Variants in SP100 observed in about 807,000 individuals in gnomAD.
SP100 encodes the protein nuclear autoantigen Sp-100.
SP100 carries 84 observed loss-of-function variants against 130.0 expected under a neutral mutation model. The observed-to-expected ratio is 0.65, with a 90% confidence interval of 0.54 to 0.77. The LOEUF (loss-of-function observed/expected upper bound fraction) is 0.77, where lower values mean the gene tolerates loss of function less well. SP100 is among the 30% of genes least tolerant of loss of function. The probability of loss-of-function intolerance (pLI) is 0.00; values close to 1 mark genes in which losing one functional copy is unlikely to be tolerated. For missense variants in SP100, 978 were observed against 1,052.2 expected, an observed-to-expected ratio of 0.93 and a Z score of 0.97; for synonymous variants, 331 against 351.7, an observed-to-expected ratio of 0.94 and a Z score of 0.66.
intron 24 of SP100, among the ~76,000 whole-genome samples, chr2:230,530,199 C>A (rs1033066763): frequency 3.3e-5 from 5 of 152,104 alleles, no homozygotes; most frequent in Non-Finnish European, 7.4e-5. Flanking sequence ...ACTACAGTAA[C>A]CAAAACAGCA....
chr2:230,478,787 A>T (rs931400440), intron 17 of SP100, among the ~76,000 whole-genome samples: 1 of 152,122 alleles, frequency 6.6e-6, no homozygotes, highest in Admixed American at 6.6e-5. Context: ...CCTGAAATGA[A>T]TTTCACCTAA....
intron 19 of SP100, among the ~76,000 whole-genome samples, chr2:230,501,757 T>G (rs1385230021): frequency 1.3e-5 from 2 of 152,184 alleles, no homozygotes; most frequent in African/African-American, 4.8e-5. Context: ...GAGCATCCAC[T>G]TTGTGTCCCT....
Position 230,545,107 on chromosome 2 carries a change from A to G in SP100, c.*2161A>G, listed in dbSNP as rs1256819948. Among the ~76,000 whole-genome samples the G allele has an allele frequency of 3.3e-5, 5 of 152,254 alleles. No homozygotes were observed. Among genetic ancestry groups the G allele is most frequent in the Non-Finnish European group, 7.3e-5 (5 of 68,048 alleles). ...GTACATACCCAGAGGAATATAAATC[A>G]TTCTACCATAAAGACACATGCATGC... On this transcript the variant is annotated 3_prime_UTR_variant, in exon 29 of 29. Transcript: ENST00000340126.
chr2:230,450,182 A>ACAAATTGCTGTC lies in SP100; in HGVS notation c.751_762dup (p.Ile251_Gln254dup), dbSNP rs1255485309. The ACAAATTGCTGTC allele has an allele frequency of 3.7e-6, 6 of 1,613,600 alleles. No individual in the cohort carries two copies. Among genetic ancestry groups the ACAAATTGCTGTC allele is most frequent in the Non-Finnish European group, 5.1e-6 (6 of 1,179,522 alleles). On this transcript the variant is annotated inframe_insertion, in exon 8 of 29. Coordinates refer to ENST00000340126, the MANE Select transcript of SP100 (RefSeq NM_001080391.2). ...CTCGTTTATCTCCAGAGTCCTGCGAACAAATTGCTGTCCAAGTGAATAATG... is the reference window on the plus strand; with the variant it reads ...CTCGTTTATCTCCAGAGTCCTGCGAACAAATTGCTGTCCAAATTGCTGTCCAAGTGAATAATG...
chr2:230,521,415 G>C (rs1320529421), intron 24 of SP100, among the ~76,000 whole-genome samples: 1 of 152,100 alleles, frequency 6.6e-6, no homozygotes, highest in Non-Finnish European at 1.5e-5. Context: ...CTGACCCCCG[G>C]TGCCTGCCTA....
chr2:230,502,781 CTA>C (rs1274225735), intron 19 of SP100, among the ~76,000 whole-genome samples: 1 of 152,204 alleles, frequency 6.6e-6, no homozygotes, highest in Non-Finnish European at 1.5e-5. Context: ...CAGGGCAAAT[CTA>C]TCCTGCTGAC....
intron 2 of SP100, among the ~76,000 whole-genome samples, chr2:230,428,733 C>T (rs904202126): frequency 4.6e-5 from 7 of 151,846 alleles, no homozygotes; most frequent in East Asian, 1.9e-4. Flanking sequence ...TGAGCCACCA[C>T]GCCTGGCCGA....
intron 10 of SP100, 105 bp downstream of exon 10, chr2:230,462,623 G>C (rs779878738): frequency 1.6e-4 from 130 of 831,432 alleles, no homozygotes; most frequent in Non-Finnish European, 2.4e-4. Context: ...AATGGATCCA[G>C]TTTATCCTGG....
Position 230,498,522 on chromosome 2 carries a change from A to G in SP100, c.1707A>G (p.Arg569=). ...TGAATAACAAAGTCCAAAAGAAAAG[A>G]TGGCAACAAAGAGGTAAAAAAAAAA... ...LTLNNKVQKK[R]WQQRGRKANT... The change falls in exon 19 of 29, where the codon AGA becomes AGG. Residue 569 remains arginine, a synonymous_variant. Transcript: ENST00000340126. 1 of 1,487,230 alleles carries G rather than the reference A, an allele frequency of 6.7e-7. No homozygotes were observed. Among genetic ancestry groups the G allele is most frequent in the Non-Finnish European group, 8.9e-7 (1 of 1,123,230 alleles). 92.1% of individuals were successfully genotyped at this position (1,487,230 alleles called of 1,614,324 possible).
At chr2:230,495,027 T>C (rs993665641) in intron 18 of SP100, among the ~76,000 whole-genome samples, 2 of 152,242 alleles carry the variant, frequency 1.3e-5, no homozygotes, top group African/African-American at 4.8e-5. Context: ...CCCTTAAATG[T>C]GGAGGAAAAC....
At chr2:230,485,725 T>C (rs2066049113) in intron 17 of SP100, among the ~76,000 whole-genome samples, 1 of 152,220 alleles carries the variant, frequency 6.6e-6, no homozygotes, top group Non-Finnish European at 1.5e-5. Context: ...CTTGTATACA[T>C]GATAAAATGT....
chr2:230,461,464 A>T (rs1285179400), intron 9 of SP100, 50 bp downstream of exon 9: 1 of 1,596,702 alleles, frequency 6.3e-7, no homozygotes, highest in Admixed American at 1.7e-5. Context: ...GTTACCAGGT[A>T]AGGGGCTCAG....
chr2:230,493,145 T>C (rs985724692), intron 17 of SP100, among the ~76,000 whole-genome samples: 3 of 152,236 alleles, frequency 2.0e-5, no homozygotes, highest in Non-Finnish European at 4.4e-5. Context: ...AAGTATTTAT[T>C]CTATTATTTT....
At chr2:230,489,281 TC>T (rs1332395858) in intron 17 of SP100, among the ~76,000 whole-genome samples, 2 of 152,242 alleles carry the variant, frequency 1.3e-5, no homozygotes, top group Admixed American at 6.5e-5. Flanking sequence ...TTTATCCATT[TC>T]TTCTAGATTT....
chr2:230,492,556 T>C (rs1053851098), intron 17 of SP100, among the ~76,000 whole-genome samples: 1 of 152,228 alleles, frequency 6.6e-6, no homozygotes, highest in African/African-American at 2.4e-5. Context: ...TCTTTCCACC[T>C]ATGCTTCCCA....
intron 18 of SP100, among the ~76,000 whole-genome samples, chr2:230,496,670 A>G (rs2066683121): frequency 6.6e-6 from 1 of 152,192 alleles, no homozygotes; most frequent in Non-Finnish European, 1.5e-5. Flanking sequence ...AGTTCTTCAG[A>G]GACACTCAAC....
intron 17 of SP100, among the ~76,000 whole-genome samples, chr2:230,489,687 G>A (rs1197559024): frequency 6.6e-6 from 1 of 152,126 alleles, no homozygotes; most frequent in Non-Finnish European, 1.5e-5. Context: ...TGCTTTAGCT[G>A]TGTCCCAGAG....
chr2:230,476,029 T>C lies in SP100; in HGVS notation c.1600+1582T>C, dbSNP rs770657378. ...TGCTTTGGCTATTCAGGCTCTTTTA[T>C]GGTTCCAACTGAGTTTTAGAATAGA... On this transcript the variant is annotated intron_variant, in intron 17 of 28. Coordinates refer to ENST00000340126, the MANE Select transcript of SP100 (RefSeq NM_001080391.2). Among the ~76,000 whole-genome samples, 4 of 152,360 alleles carry C rather than the reference T, an allele frequency of 2.6e-5. No homozygotes were observed. In the South Asian group the frequency reaches 8.3e-4, roughly 32 times the overall value.
intron 5 of SP100, 84 bp downstream of exon 5, chr2:230,446,986 A>G (rs2063738356): frequency 8.9e-6 from 7 of 783,982 alleles, no homozygotes. Flanking sequence ...CAGGGAAGAC[A>G]TATGGAAGGA....
Sources: allele counts gnomAD v4.1 joint callset (sites outside exome capture counted in the v4.1 genomes callset), GRCh38; gene constraint gnomAD v4.1.1; transcripts MANE v1.5; gene names NCBI Gene and HGNC (gene_info 2026-07-23, HGNC 2026-07-21).